The following RERE variants were observed in gnomAD, a reference collection of about 807,000 sequenced individuals.
RERE encodes the protein arginine-glutamic acid dipeptide repeats protein.
Under a neutral mutation model 146.1 loss-of-function variants are expected in RERE, and 40 were observed. The observed-to-expected ratio is 0.27, with a 90% CI of 0.21 to 0.36. The LOEUF (loss-of-function observed/expected upper bound fraction) is 0.36. Among genes scored for constraint, RERE ranks in the 10% least tolerant of loss-of-function variants. RERE has a pLI of 1.00. For synonymous variants in RERE, 1,003 were observed against 866.0 expected (o/e 1.16, Z -2.78); for missense variants, 1,933 against 2,138.7 (o/e 0.90, Z 1.90).
chr1:8,381,817 C>G (rs553365176), intron 12 of RERE, among the ~76,000 whole-genome samples: 1 of 152,190 alleles, frequency 6.6e-6, no homozygotes, highest in Non-Finnish European at 1.5e-5. Context: ...CCAGAACACA[C>G]GTGTTTTTTG....
chr1:8,688,900 C>T (rs943566430), intron 1 of RERE, among the ~76,000 whole-genome samples: 1 of 152,046 alleles, frequency 6.6e-6, no homozygotes, highest in African/African-American at 2.4e-5. Context: ...AATTCATTTT[C>T]GACATGTATT....
chr1:8,600,554 CA>C (rs1410773113), intron 4 of RERE, among the ~76,000 whole-genome samples: 1 of 152,048 alleles, frequency 6.6e-6, no homozygotes, highest in African/African-American at 2.4e-5. Flanking sequence ...AAGAAAAAGC[CA>C]GGGGGAAGTG....
chr1:8,549,924 T>C (rs773078524), intron 6 of RERE, among the ~76,000 whole-genome samples: 4 of 152,224 alleles, frequency 2.6e-5, no homozygotes, highest in Non-Finnish European at 5.9e-5. Flanking sequence ...AAGGAAAGAC[T>C]GGAGAACCAT....
intron 12 of RERE, among the ~76,000 whole-genome samples, chr1:8,391,033 T>C (rs1054078404): frequency 2.0e-5 from 3 of 152,126 alleles, no homozygotes; most frequent in Admixed American, 2.0e-4. Context: ...TCACACTGAC[T>C]CCTACCTGGC....
intron 10 of RERE, among the ~76,000 whole-genome samples, chr1:8,477,523 T>C (rs991222440): frequency 1.3e-5 from 2 of 152,152 alleles, no homozygotes; most frequent in Non-Finnish European, 2.9e-5. Flanking sequence ...ATTTGTGACA[T>C]GAAACTGGGC....
At chr1:8,740,753 G>A (rs1409934250) in intron 1 of RERE, among the ~76,000 whole-genome samples, 1 of 152,038 alleles carries the variant, frequency 6.6e-6, no homozygotes, top group African/African-American at 2.4e-5. Flanking sequence ...TGCTGCTCTT[G>A]CACCGCCACA....
At chr1:8,451,489 T>C (rs1292899873) in intron 11 of RERE, among the ~76,000 whole-genome samples, 1 of 152,136 alleles carries the variant, frequency 6.6e-6, no homozygotes. Context: ...ACCAATTTTC[T>C]AGCCCAATCT....
chr1:8,458,626 G>GTT (rs971250179), intron 11 of RERE, among the ~76,000 whole-genome samples: 3 of 152,184 alleles, frequency 2.0e-5, no homozygotes, highest in Admixed American at 1.3e-4. Context: ...ACAGCACAAG[G>GTT]TATGCTGGCT....
intron 10 of RERE, among the ~76,000 whole-genome samples, chr1:8,485,538 G>A (rs1301461108): frequency 2.0e-5 from 3 of 151,802 alleles, no homozygotes; most frequent in East Asian, 1.9e-4. Context: ...AAGATTCAAA[G>A]TAAGAAGTTG....
intron 1 of RERE, among the ~76,000 whole-genome samples, chr1:8,736,190 TTTGTTTGTTTG>T (rs1368040215): frequency 4.3e-5 from 3 of 70,100 alleles, no homozygotes; most frequent in African/African-American, 1.8e-4. Context: ...AAACCATCAG[TTTGTTTGTTTG>T]TTTGTTTGTT....
At chr1:8,648,790 A>C (rs1647449352) in intron 2 of RERE, among the ~76,000 whole-genome samples, 1 of 152,218 alleles carries the variant, frequency 6.6e-6, no homozygotes, top group South Asian at 2.1e-4. Flanking sequence ...ATACATAAAT[A>C]CATGTTTTGC....
rs1047347621 is a variant in RERE, at chr1:8,691,009, T to C, written c.-144-34568A>G. On this transcript the variant is annotated intron_variant, in intron 1 of 22. Coordinates refer to ENST00000400908, the MANE Select transcript of RERE (RefSeq NM_001042681.2). The stretch of plus-strand genomic sequence containing the variant: ...GCCTCCCAGGTTCAAGCAGTTCTCC[T>C]GCCTCAGCCTCCTGAGTAGCTGGGA... Among the ~76,000 whole-genome samples the C allele has an allele frequency of 5.3e-5, 8 of 152,146 alleles. 1 individual carries two copies. Among genetic ancestry groups the C allele is most frequent in the African/African-American group, 1.4e-4 (6 of 41,434 alleles).
intron 1 of RERE, among the ~76,000 whole-genome samples, chr1:8,789,301 A>AAAAAAAAAAAAATATATATATATAT: frequency 8.1e-5 from 2 of 24,804 alleles, no homozygotes; most frequent in African/African-American, 2.3e-4. Context: ...AAAAAAAAAA[A>AAAAAAAAAAAAATATATATATATAT]ATATATATAT....
chr1:8,360,087 C>T (rs781000675), intron 18 of RERE, 25 bp downstream of exon 18: 21 of 1,577,410 alleles, frequency 1.3e-5, no homozygotes, highest in South Asian at 2.4e-5. Flanking sequence ...GTGCCTGACC[C>T]GTCCTGGAGC....
chr1:8,359,345 G>C (rs1169092841), intron 19 of RERE, among the ~76,000 whole-genome samples: 4 of 152,212 alleles, frequency 2.6e-5, no homozygotes, highest in Non-Finnish European at 5.9e-5. Flanking sequence ...CAGCCCACGA[G>C]GGGGCCACAA....
chr1:8,515,979 G>A (rs1645409034), intron 7 of RERE, among the ~76,000 whole-genome samples: 1 of 151,946 alleles, frequency 6.6e-6, no homozygotes, highest in African/African-American at 2.4e-5. Flanking sequence ...CACTTTGGGA[G>A]GCTGAGGTGG....
chr1:8,659,206 T>C (rs543828036), intron 1 of RERE, among the ~76,000 whole-genome samples: 1 of 152,338 alleles, frequency 6.6e-6, no homozygotes, highest in Admixed American at 6.5e-5. Context: ...TACAGAGACC[T>C]ACTACTTCCT....
In RERE at chr1:8,812,718, T is replaced by G. The variant is rs185242159; in HGVS notation, c.-145+4442A>C. Among the ~76,000 whole-genome samples, 21 of 152,266 alleles carry G rather than the reference T, an allele frequency of 1.4e-4. No homozygotes were observed. The East Asian group carries it at 4.1e-3, about 29-fold the overall frequency. On this transcript the variant is annotated intron_variant, in intron 1 of 22. Coordinates refer to ENST00000400908, the MANE Select transcript of RERE (RefSeq NM_001042681.2). Reference sequence around the variant, plus strand: ...CAAAAAAAGCATCTTATATTAACTGTACTCTCTGACCTAGTTACCTAATGT... The same window carrying G: ...CAAAAAAAGCATCTTATATTAACTGGACTCTCTGACCTAGTTACCTAATGT...
At position 8,360,330 on chromosome 1, in the gene RERE, C is replaced by A. The variant is rs747369023; in HGVS notation, c.3177G>T (p.Pro1059=). 6.6e-6 allele frequency: 10 copies of A among 1,520,082 alleles called. No individual in the cohort carries two copies. In the Admixed American group the frequency reaches 1.2e-4, roughly 19 times the overall value. 94.2% of individuals were successfully genotyped at this position (1,520,082 alleles called of 1,614,324 possible). Residue 1059 remains proline, a synonymous_variant, in exon 18 of 23, where the codon CCG becomes CCT. Transcript: ENST00000400908. ...GCTGGGCCGAGGTGCCAGGTCCCGC[C>A]GGTGGGGTAGAGGTGGAGGGGCAGG... ...PPTCPSTSTP[P]AGPGTSAQPP...
Sources: allele counts gnomAD v4.1 joint callset (sites outside exome capture counted in the v4.1 genomes callset), GRCh38; gene constraint gnomAD v4.1.1; transcripts MANE v1.5; gene names NCBI Gene and HGNC (gene_info 2026-07-23, HGNC 2026-07-21).